Variants in GRM8 observed in about 807,000 individuals in gnomAD.
GRM8 encodes the protein glutamate metabotropic receptor 8, also known as metabotropic glutamate receptor 8.
Under a neutral mutation model 87.2 loss-of-function variants are expected in GRM8, and 47 were observed. The ratio of observed to expected loss-of-function variants is 0.54; its 90% CI spans 0.43 to 0.69. GRM8 has a LOEUF of 0.69. Among genes scored for constraint, GRM8 ranks in the 30% least tolerant of loss-of-function variants. The probability of loss-of-function intolerance (pLI) is 0.00; values close to 1 mark genes in which losing one functional copy is unlikely to be tolerated. For synonymous variants in GRM8, 396 were observed against 404.5 expected, an observed-to-expected ratio of 0.98 and a Z score of 0.25; for missense variants, 1,019 against 1,139.2, an observed-to-expected ratio of 0.89 and a Z score of 1.52.
chr7:126,861,089 G>T (rs1294024494), intron 6 of GRM8, among the ~76,000 whole-genome samples: 2 of 152,006 alleles, frequency 1.3e-5, no homozygotes, highest in African/African-American at 4.8e-5. Context: ...CTATTCTCCT[G>T]CTGTTAGATC....
intron 7 of GRM8, among the ~76,000 whole-genome samples, chr7:126,766,173 C>T (rs1206289120): frequency 6.6e-6 from 1 of 152,056 alleles, no homozygotes; most frequent in Non-Finnish European, 1.5e-5. Context: ...CTTAAGTAAG[C>T]ATACCACATA....
At chr7:127,125,320 T>C (rs1827300659) in intron 2 of GRM8, among the ~76,000 whole-genome samples, 1 of 152,028 alleles carries the variant, frequency 6.6e-6, no homozygotes, top group African/African-American at 2.4e-5. Flanking sequence ...AGTTTAGAAA[T>C]GGCTATAAAG....
At chr7:126,919,268 C>A (rs979264205) in intron 3 of GRM8, among the ~76,000 whole-genome samples, 4 of 152,108 alleles carry the variant, frequency 2.6e-5, no homozygotes, top group African/African-American at 9.7e-5. Flanking sequence ...GGGTGCTTGA[C>A]AGGATGATGT....
At chr7:127,173,118 C>T (rs1034337923) in intron 2 of GRM8, among the ~76,000 whole-genome samples, 1 of 152,122 alleles carries the variant, frequency 6.6e-6, no homozygotes, top group Non-Finnish European at 1.5e-5. Context: ...TATTTCATGC[C>T]GTCTGGAAGG....
At chr7:127,186,519 T>C (rs575537224) in intron 2 of GRM8, among the ~76,000 whole-genome samples, 5 of 152,262 alleles carry the variant, frequency 3.3e-5, no homozygotes, top group African/African-American at 1.2e-4. Context: ...GGATGATGGC[T>C]GGGTTCCTTC....
chr7:126,677,360 C>CAAAAAAAAAAAAAAAAAA (rs35134983), intron 7 of GRM8, among the ~76,000 whole-genome samples: 1 of 115,854 alleles, frequency 8.6e-6, no homozygotes, highest in Non-Finnish European at 1.8e-5. Context: ...GGCATCCACC[C>CAAAAAAAAAAAAAAAAAA]AAAAAAAAAA....
intron 7 of GRM8, among the ~76,000 whole-genome samples, chr7:126,627,727 A>G (rs1800843300): frequency 6.6e-6 from 1 of 152,174 alleles, no homozygotes; most frequent in Non-Finnish European, 1.5e-5. Context: ...CATATTCTAA[A>G]TGAACTAATA....
chr7:126,974,935 TCAAAAAAA>T (rs1481571206), intron 3 of GRM8, among the ~76,000 whole-genome samples: 1 of 34,298 alleles, frequency 2.9e-5, no homozygotes, highest in African/African-American at 1.4e-4. Context: ...GACTCTTGTC[TCAAAAAAA>T]AAAAAAAAAA....
At chr7:127,065,643 G>T (rs947149099) in intron 3 of GRM8, among the ~76,000 whole-genome samples, 1 of 152,226 alleles carries the variant, frequency 6.6e-6, no homozygotes, top group Non-Finnish European at 1.5e-5. Flanking sequence ...TCAGAGGGCT[G>T]TGGTGGTGGA....
At chr7:127,035,653 G>A (rs941429006) in intron 3 of GRM8, among the ~76,000 whole-genome samples, 6 of 152,184 alleles carry the variant, frequency 3.9e-5, no homozygotes, top group Non-Finnish European at 7.3e-5. Flanking sequence ...ACTCCACATA[G>A]TGTGAGAAAT....
rs1317858062 is a variant in GRM8, at chr7:126,904,175, A to G, written c.864-49T>C. On this transcript the variant is annotated intron_variant, in intron 4 of 10. Transcript: ENST00000339582. The stretch of plus-strand genomic sequence containing the variant: ...GCATATCACATGTATTAAAAATACC[A>G]CAATTATGAATATTACAAGACCAGA... 3.4e-6 allele frequency: 5 copies of G among 1,454,368 alleles called. No individual in the cohort carries two copies. The African/African-American group carries it at 5.6e-5, about 16-fold the overall frequency. 90.1% of individuals were successfully genotyped at this position (1,454,368 alleles called of 1,614,324 possible).
intron 7 of GRM8, among the ~76,000 whole-genome samples, chr7:126,758,232 TTATTGCA>T (rs1276304757): frequency 6.6e-6 from 1 of 152,160 alleles, no homozygotes; most frequent in Non-Finnish European, 1.5e-5. Flanking sequence ...TAGTTACCAT[TTATTGCA>T]TATTTACACT....
Position 126,486,678 on chromosome 7 carries a change from T to C in GRM8, c.2431-40306A>G, listed in dbSNP as rs1343853043. 4.6e-5 allele frequency among the ~76,000 whole-genome samples: 7 copies of C among 152,146 alleles called. No individual in the cohort carries two copies. In the East Asian group the frequency reaches 1.4e-3, roughly 29 times the overall value. On this transcript the variant is annotated intron_variant, in intron 9 of 10. Coordinates refer to ENST00000339582, the MANE Select transcript of GRM8 (RefSeq NM_000845.3). ...TTTGTGGATTACGTCTGTTGATATT[T>C]ACCATATTTGAAATTAAAACTGAGA...
chr7:126,648,912 C>T (rs3808157), intron 7 of GRM8, among the ~76,000 whole-genome samples: 46,724 of 149,558 alleles, frequency 0.31, 8,043 homozygotes, highest in East Asian at 0.43. Context: ...CTGTGGCATC[C>T]CTACAGTGAT....
intron 7 of GRM8, among the ~76,000 whole-genome samples, chr7:126,742,935 C>A (rs777238347): frequency 6.6e-6 from 1 of 152,028 alleles, no homozygotes; most frequent in Non-Finnish European, 1.5e-5. Context: ...CTCTATCTTA[C>A]ATATCTTCAT....
intron 2 of GRM8, among the ~76,000 whole-genome samples, chr7:127,225,751 A>T (rs1361385770): frequency 6.6e-6 from 1 of 150,798 alleles, no homozygotes; most frequent in Non-Finnish European, 1.5e-5. Flanking sequence ...TACTAAGACA[A>T]AACAGATACT....
At chr7:126,586,404 G>T (rs1184733713) in intron 8 of GRM8, among the ~76,000 whole-genome samples, 3 of 152,182 alleles carry the variant, frequency 2.0e-5, no homozygotes, top group Non-Finnish European at 2.9e-5. Flanking sequence ...AAAGCTGGAG[G>T]CATCATGCTA....
At chr7:126,916,256 T>C (rs13308150) in intron 3 of GRM8, among the ~76,000 whole-genome samples, 4 of 152,242 alleles carry the variant, frequency 2.6e-5, no homozygotes, top group African/African-American at 4.8e-5. Context: ...AATTTCATTA[T>C]GGAATTGCAG....
intron 7 of GRM8, among the ~76,000 whole-genome samples, chr7:126,731,379 C>T (rs974025874): frequency 1.3e-5 from 2 of 152,086 alleles, no homozygotes; most frequent in Non-Finnish European, 2.9e-5. Context: ...TGAAGAATCA[C>T]CTTTTGCGTT....
Sources: allele counts gnomAD v4.1 joint callset (sites outside exome capture counted in the v4.1 genomes callset), GRCh38; gene constraint gnomAD v4.1.1; transcripts MANE v1.5; gene names NCBI Gene and HGNC (gene_info 2026-07-23, HGNC 2026-07-21).